Variants in EIF4EBP2 observed in about 807,000 individuals in gnomAD.
EIF4EBP2 encodes eukaryotic translation initiation factor 4E-binding protein 2.
Under a neutral mutation model 10.3 loss-of-function variants are expected in EIF4EBP2, and 5 were observed. The observed-to-expected ratio is 0.48, with a 90% CI of 0.25 to 1.02. The LOEUF is 1.02. Among genes scored for constraint, EIF4EBP2 ranks in the 50% least tolerant of loss-of-function variants. The pLI is 0.15. For missense variants in EIF4EBP2, 188 were observed against 162.2 expected, an observed-to-expected ratio of 1.16 and a Z score of -0.86; for synonymous variants, 67 against 61.1, an observed-to-expected ratio of 1.10 and a Z score of -0.45.
intron 1 of EIF4EBP2, 91 bp downstream of exon 1, chr10:70,404,637 C>G: frequency 7.3e-7 from 1 of 1,376,504 alleles, no homozygotes; most frequent in Non-Finnish European, 9.4e-7. Flanking sequence ...TTCGCCCCCG[C>G]CCCCAGCTCC....
intron 1 of EIF4EBP2, among the ~76,000 whole-genome samples, chr10:70,412,326 C>T (rs1477012835): frequency 7.6e-6 from 1 of 131,480 alleles, no homozygotes; most frequent in East Asian, 2.3e-4. Flanking sequence ...TGTCTATTTG[C>T]GTGAGTAAAT....
chr10:70,414,337 G>A lies in EIF4EBP2; in HGVS notation c.146-5577G>A, dbSNP rs546304218. On this transcript the variant is annotated intron_variant, in intron 1 of 2. Coordinates refer to ENST00000373218, the MANE Select transcript of EIF4EBP2 (RefSeq NM_004096.5). ...ACTACAATTAAATTTTTTTTAGCTTGCAGAGATTACTAAAATTCAAAAACT... is the reference window on the plus strand; with the variant it reads ...ACTACAATTAAATTTTTTTTAGCTTACAGAGATTACTAAAATTCAAAAACT... Among the ~76,000 whole-genome samples, 7 of 151,208 alleles carry A rather than the reference G, an allele frequency of 4.6e-5. No individual in the cohort carries two copies. In the South Asian group the frequency reaches 1.5e-3, roughly 32 times the overall value.
chr10:70,416,856 G>A (rs983088058), intron 1 of EIF4EBP2, among the ~76,000 whole-genome samples: 2 of 151,792 alleles, frequency 1.3e-5, no homozygotes, highest in South Asian at 2.1e-4. Context: ...TTTAAGAGAC[G>A]GGATTTTGCC....
rs1844943618 is a variant in EIF4EBP2 at position 70,404,213 on chromosome 10, G to A, written c.-189G>A. ...CCTGAGGCTGCTGGCTGAGGCCGGA[G>A]GATCGAGCGGCGGCGGCGGCGGCGG... On this transcript the variant is annotated 5_prime_UTR_variant, in exon 1 of 3. Coordinates refer to ENST00000373218, the MANE Select transcript of EIF4EBP2 (RefSeq NM_004096.5). Among the ~76,000 whole-genome samples the A allele has an allele frequency of 1.3e-5, 2 of 152,360 alleles. No homozygotes were observed. The highest frequency in any genetic ancestry group is 2.1e-4 in the South Asian group (1 of 4,830).
intron 1 of EIF4EBP2, among the ~76,000 whole-genome samples, chr10:70,417,502 C>G (rs1845110331): frequency 6.6e-6 from 1 of 152,178 alleles, no homozygotes; most frequent in Non-Finnish European, 1.5e-5. Flanking sequence ...AATGCTATTT[C>G]AATAAACTTG....
rs117221437 is a variant in EIF4EBP2 at position 70,418,303 on chromosome 10, A to G, written c.146-1611A>G. 1.1e-3 allele frequency among the ~76,000 whole-genome samples: 160 copies of G among 152,350 alleles called. 2 individuals carry two copies. In the East Asian group the frequency reaches 0.028, roughly 26 times the overall value. ...TAGTGTTGGACTTCTAGCCTCCAGA[A>G]CTATGAGACAATTTCTGTTGTTTAA... On this transcript the variant is annotated intron_variant, in intron 1 of 2. Coordinates refer to ENST00000373218, the MANE Select transcript of EIF4EBP2 (RefSeq NM_004096.5).
chr10:70,422,244 T>TG lies in EIF4EBP2; in HGVS notation c.*501dup, dbSNP rs1232356640. 1 of 153,660 alleles carries TG rather than the reference T, an allele frequency of 6.5e-6. No individual in the cohort carries two copies. Among genetic ancestry groups the TG allele is most frequent in the African/African-American group, 2.4e-5 (1 of 41,500 alleles). 9.5% of individuals were successfully genotyped at this position (153,660 alleles called of 1,614,324 possible). A position where few individuals can be genotyped will look rare whatever the true frequency, so the allele number is the denominator to read the frequency against. On this transcript the variant is annotated 3_prime_UTR_variant, in exon 3 of 3. Transcript: ENST00000373218. ...GTTCAGTGTTGCAAGAGTCTGGGCT[T>TG]GGGGTCTTTAAAACCAGCAGGGGGA...
rs190520370 is a variant in EIF4EBP2 at position 70,423,953 on chromosome 10, A to G, written c.*2206A>G. 139 of 152,364 alleles carry G rather than the reference A, an allele frequency of 9.1e-4. 1 individual carries two copies. Among genetic ancestry groups the G allele is most frequent in the African/African-American group, 3.1e-3 (129 of 41,580 alleles). 9.4% of individuals were successfully genotyped at this position (152,364 alleles called of 1,614,324 possible). A position where few individuals can be genotyped will look rare whatever the true frequency, so the allele number is the denominator to read the frequency against. On this transcript the variant is annotated 3_prime_UTR_variant, in exon 3 of 3. Coordinates refer to ENST00000373218, the MANE Select transcript of EIF4EBP2 (RefSeq NM_004096.5). Reference sequence around the variant, plus strand: ...AAACCTAAGTTGCTCTGTAATTTACATAAGAAGCATGCTCAGGACCTCTTT... The same window carrying G: ...AAACCTAAGTTGCTCTGTAATTTACGTAAGAAGCATGCTCAGGACCTCTTT...
At position 70,422,645 on chromosome 10, in the gene EIF4EBP2, C is replaced by G. The variant is rs1370613855; in HGVS notation, c.*898C>G. The stretch of plus-strand genomic sequence containing the variant: ...ATACCAAGTAATAGAGGCACTTTAG[C>G]TTCCACTTGGTGGGTAAGGCCTGAT... On this transcript the variant is annotated 3_prime_UTR_variant, in exon 3 of 3. Coordinates refer to ENST00000373218, the MANE Select transcript of EIF4EBP2 (RefSeq NM_004096.5). 6.6e-6 allele frequency: 1 copy of G among 152,174 alleles called. No homozygotes were observed. Among genetic ancestry groups the G allele is most frequent in the African/African-American group, 2.4e-5 (1 of 41,444 alleles). 9.4% of individuals were successfully genotyped at this position (152,174 alleles called of 1,614,324 possible). A position where few individuals can be genotyped will look rare whatever the true frequency, so the allele number is the denominator to read the frequency against.
intron 1 of EIF4EBP2, among the ~76,000 whole-genome samples, chr10:70,407,732 C>CT (rs1379603828): frequency 1.6e-5 from 1 of 63,250 alleles, no homozygotes; most frequent in Admixed American, 1.5e-4. Flanking sequence ...GGGGGCTGAC[C>CT]CCCCCCCCAC....
In EIF4EBP2 at chr10:70,419,258, A is replaced by G. The variant is rs144727434; in HGVS notation, c.146-656A>G. On this transcript the variant is annotated intron_variant, in intron 1 of 2. Transcript: ENST00000373218. The stretch of plus-strand genomic sequence containing the variant: ...GACCATTTGTAAGCAGCACGTTTCC[A>G]TAACTGTTTATCAGTTAAAGTGTAC... Among the ~76,000 whole-genome samples the G allele has an allele frequency of 4.6e-3, 701 of 152,358 alleles. 5 individuals are homozygous for G. The highest frequency in any genetic ancestry group is 7.6e-3 in the Non-Finnish European group (520 of 68,034).
intron 1 of EIF4EBP2, among the ~76,000 whole-genome samples, chr10:70,418,790 G>GA (rs892245621): frequency 6.6e-5 from 10 of 152,260 alleles, no homozygotes; most frequent in African/African-American, 1.9e-4. Flanking sequence ...TTGAAGGTAA[G>GA]TTTCTACTTT....
intron 1 of EIF4EBP2, among the ~76,000 whole-genome samples, chr10:70,408,417 A>G (rs919607713): frequency 4.6e-5 from 7 of 152,344 alleles, no homozygotes; most frequent in African/African-American, 1.7e-4. Context: ...CCTGGCTGTA[A>G]TCAGTGGATT....
Position 70,416,362 on chromosome 10 carries a change from C to T in EIF4EBP2, c.146-3552C>T, listed in dbSNP as rs144326509. Among the ~76,000 whole-genome samples the T allele has an allele frequency of 3.4e-4, 51 of 152,208 alleles. 1 individual carries two copies. The highest frequency in any genetic ancestry group is 6.5e-4 in the Admixed American group (10 of 15,290). On this transcript the variant is annotated intron_variant, in intron 1 of 2. Transcript: ENST00000373218. ...TTGGGAGGCCGAGCTGGGCAGATCACGAGGTCAAGAGATCGAGACCATCCT... is the reference window on the plus strand; with the variant it reads ...TTGGGAGGCCGAGCTGGGCAGATCATGAGGTCAAGAGATCGAGACCATCCT...
chr10:70,413,993 G>A (rs1263736436), intron 1 of EIF4EBP2, among the ~76,000 whole-genome samples: 2 of 152,204 alleles, frequency 1.3e-5, no homozygotes, highest in Non-Finnish European at 2.9e-5. Flanking sequence ...CTGACATAGC[G>A]TTGGAGGGAG....
chr10:70,417,510 T>A (rs1302930178), intron 1 of EIF4EBP2, among the ~76,000 whole-genome samples: 1 of 152,254 alleles, frequency 6.6e-6, no homozygotes, highest in Non-Finnish European at 1.5e-5. Context: ...TTCAATAAAC[T>A]TGTAAAATAC....
chr10:70,405,935 GCTTAA>G (rs1444312400), intron 1 of EIF4EBP2, among the ~76,000 whole-genome samples: 5 of 152,064 alleles, frequency 3.3e-5, no homozygotes, highest in Non-Finnish European at 4.4e-5. Flanking sequence ...TTCTTAGGTG[GCTTAA>G]CTCATGGAAG....
At chr10:70,417,415 T>C (rs921210034) in intron 1 of EIF4EBP2, among the ~76,000 whole-genome samples, 1 of 152,104 alleles carries the variant, frequency 6.6e-6, no homozygotes, top group South Asian at 2.1e-4. Context: ...TAAAATTGAT[T>C]ATGGTGATGA....
chr10:70,420,152 G>A (rs1233574657), intron 2 of EIF4EBP2, 53 bp downstream of exon 2: 5 of 1,496,296 alleles, frequency 3.3e-6, no homozygotes, highest in South Asian at 1.3e-5. Context: ...GAATTTGAAT[G>A]TCTGTTTGCT....
Sources: gnomAD v4.1 joint callset for allele counts (sites outside exome capture counted in the v4.1 genomes callset) on GRCh38, gnomAD v4.1.1 for gene constraint, MANE v1.5 for transcripts, NCBI Gene and HGNC (gene_info 2026-07-23, HGNC 2026-07-21) for gene names.